Variants in ADAM2 observed in about 807,000 individuals in gnomAD.
ADAM2 encodes ADAM metallopeptidase domain 2.
ADAM2 carries 101 observed loss-of-function variants against 99.3 expected under a neutral mutation model. The ratio of observed to expected loss-of-function variants is 1.02; its 90% CI spans 0.87 to 1.20. The LOEUF is 1.20. Ranked by LOEUF, ADAM2 falls within the 50% of genes most tolerant of loss-of-function variation. ADAM2 has a pLI of 0.00. For synonymous variants in ADAM2, 323 were observed against 287.6 expected (o/e 1.12, Z -1.25); for missense variants, 948 against 878.7 (o/e 1.08, Z -1.00).
chr8:39,761,304 AG>A, intron 14 of ADAM2, 23 bp from the exon 15 acceptor site: 1 of 1,419,950 alleles, frequency 7.0e-7, no homozygotes, highest in Non-Finnish European at 9.7e-7. Context: ...AGGTGAGGTT[AG>A]TCATATTAAA....
intron 6 of ADAM2, among the ~76,000 whole-genome samples, chr8:39,811,545 C>T (rs552863346): frequency 1.8e-4 from 28 of 152,186 alleles, no homozygotes; most frequent in Admixed American, 2.0e-4. Context: ...ACTGGCAAAC[C>T]GAATCCAGCA....
chr8:39,820,352 G>A (rs1444745475), intron 6 of ADAM2, among the ~76,000 whole-genome samples: 1 of 152,108 alleles, frequency 6.6e-6, no homozygotes, highest in Non-Finnish European at 1.5e-5. Context: ...ATCTTATCCT[G>A]TCAGTGGATG....
At position 39,821,117 on chromosome 8, in the gene ADAM2, G is replaced by T. The variant is rs1366813865; in HGVS notation, c.398C>A (p.Ser133Ter). ...VSYGIEPLESSVGFEHVIYQV... is the reference protein window; with the variant it reads ...VSYGIEPLES ...GTAAATTACATGTTCAAAGCCAACT[G>T]AAGACTCCAGGGGTTCTATTCCATA... The change falls in exon 6 of 21, where the codon TCA (serine) becomes TAA (stop). Residue 133 changes from serine (S) to a stop codon, truncating the protein, a stop_gained. Coordinates refer to ENST00000265708, the MANE Select transcript of ADAM2 (RefSeq NM_001464.5). LOFTEE classifies it high-confidence loss of function. 6.2e-7 allele frequency: 1 copy of T among 1,611,992 alleles called. No individual in the cohort carries two copies. The highest frequency in any genetic ancestry group is 8.5e-7 in the Non-Finnish European group (1 of 1,178,750).
At chr8:39,801,124 T>G (rs1252100923) in intron 7 of ADAM2, among the ~76,000 whole-genome samples, 1 of 152,194 alleles carries the variant, frequency 6.6e-6, no homozygotes. Flanking sequence ...AGCATTTTTT[T>G]CATTGATTAT....
chr8:39,815,282 G>T (rs144752700), intron 6 of ADAM2, among the ~76,000 whole-genome samples: 1 of 151,786 alleles, frequency 6.6e-6, no homozygotes, highest in Non-Finnish European at 1.5e-5. Context: ...GATTATGTTC[G>T]TATAATGAAG....
intron 20 of ADAM2, 33 bp downstream of exon 20, chr8:39,744,796 TA>T: frequency 1.4e-6 from 2 of 1,412,234 alleles, no homozygotes; most frequent in Non-Finnish European, 2.0e-6. Flanking sequence ...GTACTTAAAG[TA>T]AAATAAATTT....
intron 14 of ADAM2, among the ~76,000 whole-genome samples, chr8:39,761,961 G>T (rs1430173370): frequency 6.6e-6 from 1 of 152,134 alleles, no homozygotes; most frequent in Non-Finnish European, 1.5e-5. Flanking sequence ...GCAGGCGCCC[G>T]TAGTCCCAGC....
Position 39,788,798 on chromosome 8 carries a change from G to C in ADAM2, c.571-58C>G. 3.3e-6 allele frequency: 3 copies of C among 907,820 alleles called. No individual in the cohort carries two copies. The South Asian group carries it at 7.7e-5, about 23-fold the overall frequency. The allele number at this position is 907,820 out of a possible 1,614,324, so 56.2% of individuals were successfully genotyped here. Reference sequence around the variant, plus strand: ...ATATATTGCTTAACATTTAATGATTGTTATTGTTTCATTTAAAATTCAATT... The same window carrying C: ...ATATATTGCTTAACATTTAATGATTCTTATTGTTTCATTTAAAATTCAATT... On this transcript the variant is annotated intron_variant, in intron 7 of 20. Coordinates refer to ENST00000265708, the MANE Select transcript of ADAM2 (RefSeq NM_001464.5).
At chr8:39,837,014 G>T in intron 2 of ADAM2, 122 bp downstream of exon 2, 1 of 680,528 alleles carries the variant, frequency 1.5e-6, no homozygotes, top group South Asian at 2.5e-5. Context: ...TCCATTCAGG[G>T]AAAATTTGGT....
At chr8:39,775,619 A>T (rs1230183463) in intron 11 of ADAM2, among the ~76,000 whole-genome samples, 2 of 152,118 alleles carry the variant, frequency 1.3e-5, no homozygotes, top group Non-Finnish European at 2.9e-5. Context: ...AACATATTAA[A>T]ATTGGACTGA....
chr8:39,783,406 T>G (rs562999543), intron 10 of ADAM2, among the ~76,000 whole-genome samples: 2 of 152,250 alleles, frequency 1.3e-5, no homozygotes, highest in East Asian at 3.9e-4. Flanking sequence ...TTCTCTCACA[T>G]TTGCTCTATA....
At position 39,775,121 on chromosome 8, in the gene ADAM2, A is replaced by G. The variant is rs1586081402; in HGVS notation, c.1028+1904T>C. Among the ~76,000 whole-genome samples, 8 of 152,300 alleles carry G rather than the reference A, an allele frequency of 5.3e-5. No homozygotes were observed. In the South Asian group the frequency reaches 1.7e-3, roughly 32 times the overall value. ...CTTACAGAATTTTCCCTAGTTGGTC[A>G]GGAATCTGGTGTTTCACTAAAGTGG... On this transcript the variant is annotated intron_variant, in intron 11 of 20. Transcript: ENST00000265708.
At chr8:39,815,174 T>C (rs1046205092) in intron 6 of ADAM2, among the ~76,000 whole-genome samples, 1 of 152,092 alleles carries the variant, frequency 6.6e-6, no homozygotes, top group South Asian at 2.1e-4. Context: ...TATTCTAATA[T>C]AAAGCTGGTA....
intron 7 of ADAM2, among the ~76,000 whole-genome samples, chr8:39,795,806 A>G (rs1468598559): frequency 6.6e-6 from 1 of 152,170 alleles, no homozygotes; most frequent in South Asian, 2.1e-4. Context: ...TACTTTTGGC[A>G]TCTTGTTTTT....
chr8:39,757,112 C>T (rs906644060), intron 15 of ADAM2, among the ~76,000 whole-genome samples: 1 of 152,136 alleles, frequency 6.6e-6, no homozygotes, highest in Admixed American at 6.5e-5. Context: ...AGGTCTATTT[C>T]CTGAAACCTT....
Position 39,809,418 on chromosome 8 carries a change from T to A in ADAM2, c.562A>T (p.Lys188Ter). 1 of 1,323,712 alleles carries A rather than the reference T, an allele frequency of 7.6e-7. No individual in the cohort carries two copies. The highest frequency in any genetic ancestry group is 1.1e-6 in the Non-Finnish European group (1 of 930,888). The allele number at this position is 1,323,712 out of a possible 1,614,324, so 82.0% of individuals were successfully genotyped here. Residue 188 changes from lysine (K) to a stop codon, truncating the protein, a stop_gained, in exon 7 of 21, where the codon AAA becomes TAA. Coordinates refer to ENST00000265708, the MANE Select transcript of ADAM2 (RefSeq NM_001464.5). LOFTEE classifies it high-confidence loss of function. ...AATCAGAATATACTTACCAATTGTT[T>A]TTCAACTATAACATGCATTTCTATA... Reference protein sequence around the residue: ...KYIEMHVIVEKQLYNHMGSDT... With the variant: ...KYIEMHVIVE
intron 7 of ADAM2, among the ~76,000 whole-genome samples, chr8:39,808,703 G>A (rs1158274313): frequency 6.6e-6 from 1 of 152,124 alleles, no homozygotes; most frequent in Non-Finnish European, 1.5e-5. Context: ...GGATCACGAG[G>A]TAAAGAGATC....
At chr8:39,775,160 C>T (rs1476725902) in intron 11 of ADAM2, among the ~76,000 whole-genome samples, 1 of 152,108 alleles carries the variant, frequency 6.6e-6, no homozygotes, top group Non-Finnish European at 1.5e-5. Context: ...AAGTTTGCTC[C>T]TAGAGAAGGA....
At chr8:39,814,471 G>A (rs1447970796) in intron 6 of ADAM2, among the ~76,000 whole-genome samples, 1 of 152,062 alleles carries the variant, frequency 6.6e-6, no homozygotes, top group Non-Finnish European at 1.5e-5. Context: ...CCAAATTTAG[G>A]ACAAAGGTTG....
Sources: allele counts gnomAD v4.1 joint callset (sites outside exome capture counted in the v4.1 genomes callset), GRCh38; gene constraint gnomAD v4.1.1; transcripts MANE v1.5; gene names NCBI Gene and HGNC (gene_info 2026-07-23, HGNC 2026-07-21).